TRAPPC9: variants seen among roughly 807,000 people sequenced by gnomAD.
The protein encoded by TRAPPC9 is trafficking protein particle complex subunit 9, also known as IKK2 binding protein.
Under a neutral mutation model 124.0 loss-of-function variants are expected in TRAPPC9, and 83 were observed. The ratio of observed to expected loss-of-function variants is 0.67; its 90% CI spans 0.56 to 0.80. TRAPPC9 has a LOEUF of 0.80. Among genes scored for constraint, TRAPPC9 ranks in the 30% least tolerant of loss-of-function variants. The probability of loss-of-function intolerance (pLI) is 0.00; values close to 1 mark genes in which losing one functional copy is unlikely to be tolerated. For missense variants in TRAPPC9, 1,302 were observed against 1,508.3 expected (o/e 0.86, Z 2.27); for synonymous variants, 638 against 617.5 (o/e 1.03, Z -0.49).
chr8:139,990,357 A>G lies in TRAPPC9; in HGVS notation c.2700-1521T>C, dbSNP rs553411744. Among the ~76,000 whole-genome samples the G allele has an allele frequency of 8.5e-5, 13 of 152,304 alleles. No individual in the cohort carries two copies. The South Asian group carries it at 1.4e-3, about 17-fold the overall frequency. On this transcript the variant is annotated intron_variant, in intron 18 of 22. Coordinates refer to ENST00000438773, the MANE Select transcript of TRAPPC9 (RefSeq NM_001160372.4). ...CTTTTCCCAATAGATGTGGACCTCT[A>G]TTCATTCCAAAGCCACACATGTCCG...
intron 10 of TRAPPC9, 74 bp downstream of exon 10, chr8:140,311,174 T>G: frequency 6.3e-7 from 1 of 1,575,916 alleles, no homozygotes; most frequent in East Asian, 2.2e-5. Flanking sequence ...TCTAAAGATC[T>G]CTATTCACAA....
intron 11 of TRAPPC9, among the ~76,000 whole-genome samples, chr8:140,293,570 A>G (rs2131779232): frequency 6.6e-6 from 1 of 152,344 alleles, no homozygotes; most frequent in East Asian, 1.9e-4. Flanking sequence ...TTGTAGGGAC[A>G]TGGATGAAAT....
At chr8:140,157,452 A>G (rs2061673951) in intron 17 of TRAPPC9, among the ~76,000 whole-genome samples, 1 of 152,218 alleles carries the variant, frequency 6.6e-6, no homozygotes, top group African/African-American at 2.4e-5. Context: ...GGAGGGAGGA[A>G]CCAATCCACC....
Position 140,252,679 on chromosome 8 carries a change from G to A in TRAPPC9, c.2431+98C>T, listed in dbSNP as rs2064156551. 1 of 1,429,560 alleles carries A rather than the reference G, an allele frequency of 7.0e-7. No individual in the cohort carries two copies. 88.6% of individuals were successfully genotyped at this position (1,429,560 alleles called of 1,614,324 possible). A position where few individuals can be genotyped will look rare whatever the true frequency, so the allele number is the denominator to read the frequency against. On this transcript the variant is annotated intron_variant, in intron 16 of 22. Transcript: ENST00000438773. This position sits in a 1 kb window ranked among gnomAD's most constrained non-coding sequence, Gnocchi z 4.2. ...GGCAGCTTGAGTTAATGAATGACAA[G>A]TGAGTTACAAACAGCAAACAGCAGG...
chr8:140,387,112 A>G (rs1323332247), intron 7 of TRAPPC9, among the ~76,000 whole-genome samples: 1 of 152,260 alleles, frequency 6.6e-6, no homozygotes, highest in Non-Finnish European at 1.5e-5. Flanking sequence ...CTGGCCAGCC[A>G]TATTTAGAAA....
chr8:139,737,800 C>A (rs1586733365), intron 21 of TRAPPC9, among the ~76,000 whole-genome samples: 1 of 152,134 alleles, frequency 6.6e-6, no homozygotes, highest in East Asian at 1.9e-4. Flanking sequence ...AGAAGGAGAC[C>A]ACGTCAAGTG....
intron 21 of TRAPPC9, among the ~76,000 whole-genome samples, chr8:139,833,782 T>TG (rs1826146310): frequency 6.6e-6 from 1 of 152,240 alleles, no homozygotes; most frequent in Admixed American, 6.5e-5. Flanking sequence ...GTCATTGGAC[T>TG]GACTGATTTC....
At chr8:139,988,963 T>G in intron 18 of TRAPPC9, 127 bp from the exon 19 acceptor site, 1 of 714,940 alleles carries the variant, frequency 1.4e-6, no homozygotes, top group South Asian at 1.5e-5. Flanking sequence ...TGCCAAGTGC[T>G]CCTGGGCTCA....
At chr8:140,328,493 T>C (rs2066800022) in intron 9 of TRAPPC9, among the ~76,000 whole-genome samples, 2 of 151,764 alleles carry the variant, frequency 1.3e-5, no homozygotes. Context: ...GAATGTAAAA[T>C]CAAACATCAT....
intron 9 of TRAPPC9, among the ~76,000 whole-genome samples, chr8:140,318,535 T>G (rs917118288): frequency 6.6e-6 from 1 of 152,200 alleles, no homozygotes; most frequent in Non-Finnish European, 1.5e-5. Flanking sequence ...CCCATTCCAC[T>G]TACCTCCCAG....
intron 7 of TRAPPC9, among the ~76,000 whole-genome samples, chr8:140,377,712 A>AC (rs1297010370): frequency 6.6e-6 from 1 of 151,208 alleles, no homozygotes; most frequent in African/African-American, 2.4e-5. Flanking sequence ...AACGTCCCCC[A>AC]CCCCCCATCA....
At chr8:139,830,946 C>T (rs976049145) in intron 21 of TRAPPC9, among the ~76,000 whole-genome samples, 18 of 152,252 alleles carry the variant, frequency 1.2e-4, no homozygotes, top group African/African-American at 3.9e-4. Flanking sequence ...CAGCAAGCTC[C>T]ATCGCTGGCC....
intron 18 of TRAPPC9, among the ~76,000 whole-genome samples, chr8:139,990,030 G>A (rs1837524246): frequency 6.6e-6 from 1 of 152,140 alleles, no homozygotes; most frequent in African/African-American, 2.4e-5. Flanking sequence ...TTCATGGGGG[G>A]AGAAAACACA....
intron 17 of TRAPPC9, among the ~76,000 whole-genome samples, chr8:140,172,838 C>T (rs1014572521): frequency 2.6e-5 from 4 of 152,166 alleles, no homozygotes; most frequent in African/African-American, 9.7e-5. Flanking sequence ...CGGTGAGATT[C>T]CTTTGACCAT....
chr8:139,917,787 T>C (rs1044341539), intron 19 of TRAPPC9, among the ~76,000 whole-genome samples: 3 of 152,168 alleles, frequency 2.0e-5, no homozygotes, highest in African/African-American at 7.2e-5. Context: ...GCCAGGAACC[T>C]GTGGTAAGCG....
chr8:140,201,188 A>C (rs1216413392), intron 17 of TRAPPC9, among the ~76,000 whole-genome samples: 1 of 152,218 alleles, frequency 6.6e-6, no homozygotes, highest in Non-Finnish European at 1.5e-5. Context: ...TGACTGTCTA[A>C]GGCATCCTAA....
chr8:139,805,858 C>T (rs1824012049), intron 21 of TRAPPC9, among the ~76,000 whole-genome samples: 1 of 152,202 alleles, frequency 6.6e-6, no homozygotes, highest in African/African-American at 2.4e-5. Flanking sequence ...AAGCCCACTC[C>T]AGACTGAACT....
chr8:140,205,516 A>T (rs183342415), intron 17 of TRAPPC9, among the ~76,000 whole-genome samples: 2 of 152,362 alleles, frequency 1.3e-5, no homozygotes, highest in Non-Finnish European at 2.9e-5. Context: ...TTTAACTTAA[A>T]TAAACAGAAA....
chr8:139,834,593 C>T (rs576090445), intron 21 of TRAPPC9, among the ~76,000 whole-genome samples: 3 of 152,332 alleles, frequency 2.0e-5, no homozygotes, highest in South Asian at 4.1e-4. Context: ...GACCAGTGCA[C>T]TAGTGGGGAC....
Sources: allele counts gnomAD v4.1 joint callset (sites outside exome capture counted in the v4.1 genomes callset), GRCh38; gene constraint gnomAD v4.1.1; non-coding constraint Gnocchi (gnomAD v3.1); transcripts MANE v1.5; gene names NCBI Gene and HGNC (gene_info 2026-07-23, HGNC 2026-07-21).